The following ZBTB16 variants were observed in gnomAD, a reference collection of about 807,000 sequenced individuals.
The protein encoded by ZBTB16 is zinc finger and BTB domain containing 16, also known as zinc finger and BTB domain-containing protein 16.
A neutral mutation model predicts 56.8 loss-of-function variants in ZBTB16; 8 were observed. The ratio of observed to expected loss-of-function variants is 0.14; its 90% CI spans 0.08 to 0.25. The LOEUF (loss-of-function observed/expected upper bound fraction) is 0.25. Ranked by LOEUF, ZBTB16 falls within the 10% of genes least tolerant of loss-of-function variation. The pLI is 1.00. For synonymous variants in ZBTB16, 363 were observed against 368.5 expected (o/e 0.98, Z 0.17); for missense variants, 625 against 903.0 (o/e 0.69, Z 3.95).
intron 2 of ZBTB16, among the ~76,000 whole-genome samples, chr11:114,124,570 A>ACAAAAAAAAAAAAC (rs1247098921): frequency 4.8e-5 from 7 of 146,556 alleles, no homozygotes; most frequent in Non-Finnish European, 8.9e-5. Context: ...AAAAAAAAAA[A>ACAAAAAAAAAAAAC]AACAAAAACA....
At chr11:114,209,896 T>C (rs1385083873) in intron 4 of ZBTB16, 2 of 985,282 alleles carry the variant, frequency 2.0e-6, no homozygotes, top group East Asian at 2.3e-4. Context: ...ATGAAGGATA[T>C]CTGTATGTCT....
At chr11:114,127,306 G>A (rs187725095) in intron 2 of ZBTB16, among the ~76,000 whole-genome samples, 3 of 152,272 alleles carry the variant, frequency 2.0e-5, no homozygotes, top group Non-Finnish European at 4.4e-5. Context: ...GACCTGCTGA[G>A]CCACGTGCAT....
At chr11:114,148,377 CTTCCT>C (rs1942170410) in intron 2 of ZBTB16, among the ~76,000 whole-genome samples, 4 of 140,690 alleles carry the variant, frequency 2.8e-5, no homozygotes, top group African/African-American at 1.1e-4. Context: ...TCCTTCCTTC[CTTCCT>C]TCCTTCCTCC....
At chr11:114,145,387 G>A (rs7106492) in intron 2 of ZBTB16, among the ~76,000 whole-genome samples, 22,593 of 152,158 alleles carry the variant, frequency 0.15, 2,032 homozygotes, top group African/African-American at 0.26. Flanking sequence ...AGCATTATTC[G>A]TAATAGCCAA....
chr11:114,130,811 A>T (rs915216618), intron 2 of ZBTB16, among the ~76,000 whole-genome samples: 1 of 152,236 alleles, frequency 6.6e-6, no homozygotes, highest in South Asian at 2.1e-4. Context: ...ATGTGTGTGT[A>T]TGCGCATGTA....
chr11:114,233,779 C>G (rs575590215), intron 4 of ZBTB16, among the ~76,000 whole-genome samples: 66 of 152,204 alleles, frequency 4.3e-4, no homozygotes, highest in African/African-American at 1.6e-3. Flanking sequence ...CCAGGGCGCA[C>G]CTTAATGAGC....
intron 3 of ZBTB16, among the ~76,000 whole-genome samples, chr11:114,169,877 GC>G (rs1195474070): frequency 2.6e-5 from 4 of 152,112 alleles, no homozygotes; most frequent in Admixed American, 1.3e-4. Context: ...GGTGGGAGTG[GC>G]CTACCTTTCT....
intron 4 of ZBTB16, among the ~76,000 whole-genome samples, chr11:114,192,539 T>C (rs1943521752): frequency 6.6e-6 from 1 of 152,222 alleles, no homozygotes; most frequent in African/African-American, 2.4e-5. Flanking sequence ...GTTCTTGTCC[T>C]TGCCTTTTCT....
chr11:114,094,901 C>G (rs1020517654), intron 2 of ZBTB16, among the ~76,000 whole-genome samples: 1 of 152,250 alleles, frequency 6.6e-6, no homozygotes, highest in African/African-American at 2.4e-5. Context: ...TTTCACTGAT[C>G]CTTCAACCAG....
At chr11:114,186,383 T>C (rs888548072) in intron 3 of ZBTB16, among the ~76,000 whole-genome samples, 1 of 152,000 alleles carries the variant, frequency 6.6e-6, no homozygotes, top group Non-Finnish European at 1.5e-5. Flanking sequence ...CACCCAGAAA[T>C]GCTTTGTGAG....
rs554022283 is a variant in ZBTB16 at position 114,251,931 on chromosome 11, G to A, written c.*1376G>A. The stretch of plus-strand genomic sequence containing the variant: ...CCTCTGTATCTCTTTTTCGGTTGGG[G>A]CTTGGAGGAATGGGGAGGGTGTTCT... On this transcript the variant is annotated 3_prime_UTR_variant, in exon 7 of 7. Coordinates refer to ENST00000335953, the MANE Select transcript of ZBTB16 (RefSeq NM_006006.6). Among the ~76,000 whole-genome samples, 18 of 152,286 alleles carry A rather than the reference G, an allele frequency of 1.2e-4. 1 individual carries two copies. Among genetic ancestry groups the A allele is most frequent in the African/African-American group, 3.6e-4 (15 of 41,554 alleles).
At chr11:114,082,195 G>C (rs2137699559) in intron 2 of ZBTB16, among the ~76,000 whole-genome samples, 1 of 152,036 alleles carries the variant, frequency 6.6e-6, no homozygotes, top group South Asian at 2.1e-4. Context: ...AGGGAGGATG[G>C]CTTGAACTTA....
chr11:114,169,671 G>A (rs1285704996), intron 3 of ZBTB16, among the ~76,000 whole-genome samples: 2 of 152,176 alleles, frequency 1.3e-5, no homozygotes, highest in African/African-American at 2.4e-5. Context: ...AGGGTGACAC[G>A]AGCCCCCTGG....
At position 114,254,755 on chromosome 11, in the gene ZBTB16, A is replaced by AT. The variant is rs1333989418; in HGVS notation, c.*4201dup. Among the ~76,000 whole-genome samples the AT allele has an allele frequency of 6.6e-6, 1 of 152,088 alleles. No homozygotes were observed. Among genetic ancestry groups the AT allele is most frequent in the South Asian group, 2.1e-4 (1 of 4,826 alleles). ...TGGAGCCTCTGCCGGCTTGGCTGTA[A>AT]TGGTGGCACTTACCTGGATATTTCA... On this transcript the variant is annotated 3_prime_UTR_variant, in exon 7 of 7. Coordinates refer to ENST00000335953, the MANE Select transcript of ZBTB16 (RefSeq NM_006006.6).
intron 2 of ZBTB16, among the ~76,000 whole-genome samples, chr11:114,077,126 G>A (rs1939597982): frequency 6.6e-6 from 1 of 152,130 alleles, no homozygotes; most frequent in Admixed American, 6.5e-5. Context: ...TGAAGGGTCT[G>A]GTAAGTGCTT....
chr11:114,109,421 T>C (rs1940922025), intron 2 of ZBTB16, among the ~76,000 whole-genome samples: 1 of 152,162 alleles, frequency 6.6e-6, no homozygotes, highest in South Asian at 2.1e-4. Flanking sequence ...GCAGCCAGGC[T>C]CTGTCCGCCA....
At chr11:114,170,226 G>C (rs1238686394) in intron 3 of ZBTB16, among the ~76,000 whole-genome samples, 1 of 152,206 alleles carries the variant, frequency 6.6e-6, no homozygotes. Flanking sequence ...TATGTTACGA[G>C]TACCTAGAAC....
At chr11:114,077,281 T>C (rs1939605433) in intron 2 of ZBTB16, among the ~76,000 whole-genome samples, 1 of 152,186 alleles carries the variant, frequency 6.6e-6, no homozygotes, top group Non-Finnish European at 1.5e-5. Flanking sequence ...TGTAATTCTT[T>C]TGTCACTTGG....
chr11:114,070,400 GC>G (rs1361519041), intron 2 of ZBTB16, among the ~76,000 whole-genome samples: 2 of 152,138 alleles, frequency 1.3e-5, no homozygotes, highest in East Asian at 3.9e-4. Context: ...GAGCCACCGC[GC>G]CCGGCCCAGA....
Sources: gnomAD v4.1 joint callset for allele counts (sites outside exome capture counted in the v4.1 genomes callset) on GRCh38, gnomAD v4.1.1 for gene constraint, MANE v1.5 for transcripts, NCBI Gene and HGNC (gene_info 2026-07-23, HGNC 2026-07-21) for gene names.